The following MCMDC2 variants were observed in gnomAD, a reference collection of about 807,000 sequenced individuals.
MCMDC2 encodes the protein minichromosome maintenance domain-containing protein 2.
In MCMDC2, 54 loss-of-function variants were observed where a neutral mutation model predicts 75.8. The ratio of observed to expected loss-of-function variants is 0.71; its 90% CI spans 0.57 to 0.89. MCMDC2 has a LOEUF of 0.89. MCMDC2 is among the 40% of genes least tolerant of loss of function. The pLI is 0.00. For missense variants in MCMDC2, 656 were observed against 780.4 expected (o/e 0.84, Z 1.90); for synonymous variants, 249 against 274.6 (o/e 0.91, Z 0.92).
Position 66,920,900 on chromosome 8 carries a change from C to T in MCMDC2, c.*1731C>T, listed in dbSNP as rs945560990. 6 of 152,208 alleles carry T rather than the reference C, an allele frequency of 3.9e-5. No individual in the cohort carries two copies. The highest frequency in any genetic ancestry group is 1.2e-4 in the African/African-American group (5 of 41,526). 9.4% of individuals were successfully genotyped at this position (152,208 alleles called of 1,614,324 possible). On this transcript the variant is annotated 3_prime_UTR_variant, in exon 15 of 15. Transcript: ENST00000422365. The stretch of plus-strand genomic sequence containing the variant: ...GTTTCCCAGGCTGGTCTCAAGTCAT[C>T]CTCCCATCTCAGTACCTCAGCTTCC...
chr8:66,899,033 T>C (rs545771628), intron 12 of MCMDC2, among the ~76,000 whole-genome samples: 4 of 152,308 alleles, frequency 2.6e-5, no homozygotes, highest in African/African-American at 9.6e-5. Context: ...AACTGTAAAA[T>C]AGTAAAAAGT....
Position 66,878,928 on chromosome 8 carries a change from A to G in MCMDC2, c.709+9A>G, listed in dbSNP as rs181029958. The G allele has an allele frequency of 2.2e-3, 3,344 of 1,537,928 alleles. 26 individuals carry two copies. The highest frequency in any genetic ancestry group is 0.02 in the African/African-American group (1,430 of 73,244). ...TACAATTTTCCTAAGAGGTAAGTGA[A>G]TTCTGTTTGAACTAAAAAAAAATTG... is the stretch of plus-strand genomic sequence containing the variant. On this transcript the variant is annotated intron_variant, in intron 7 of 14. Coordinates refer to ENST00000422365, the MANE Select transcript of MCMDC2 (RefSeq NM_173518.5).
In MCMDC2 at chr8:66,921,193, GTAAT is replaced by G. The variant is rs1319379315; in HGVS notation, c.*2026_*2029del. 1 of 152,076 alleles carries G rather than the reference GTAAT, an allele frequency of 6.6e-6. No individual in the cohort carries two copies. Among genetic ancestry groups the G allele is most frequent in the Non-Finnish European group, 1.5e-5 (1 of 68,022 alleles). 9.4% of individuals were successfully genotyped at this position (152,076 alleles called of 1,614,324 possible). A position where few individuals can be genotyped will look rare whatever the true frequency, so the allele number is the denominator to read the frequency against. ...GTACATTCAGAAACAATTATGGGAG[GTAAT>G]TCATTAATATTAAATATGCCAACGG... On this transcript the variant is annotated 3_prime_UTR_variant, in exon 15 of 15. Coordinates refer to ENST00000422365, the MANE Select transcript of MCMDC2 (RefSeq NM_173518.5).
intron 9 of MCMDC2, among the ~76,000 whole-genome samples, chr8:66,887,159 A>C (rs1462585063): frequency 6.6e-6 from 1 of 152,154 alleles, no homozygotes; most frequent in African/African-American, 2.4e-5. Context: ...GTCTAAAGGT[A>C]TCTTTGATGA....
chr8:66,900,611 C>A (rs1812614297), intron 12 of MCMDC2, among the ~76,000 whole-genome samples: 1 of 151,892 alleles, frequency 6.6e-6, no homozygotes, highest in South Asian at 2.1e-4. Context: ...GAAATTACGT[C>A]ACAGAGAAGA....
At chr8:66,904,237 A>G (rs1233065183) in intron 13 of MCMDC2, among the ~76,000 whole-genome samples, 1 of 152,168 alleles carries the variant, frequency 6.6e-6, no homozygotes, top group African/African-American at 2.4e-5. Context: ...TGAGGAGAGT[A>G]GCCATCATGG....
intron 4 of MCMDC2, among the ~76,000 whole-genome samples, chr8:66,876,167 T>C (rs563933863): frequency 2.0e-5 from 3 of 152,348 alleles, no homozygotes; most frequent in East Asian, 3.9e-4. Flanking sequence ...TGCCTAGAAT[T>C]CGTTATTTCA....
intron 14 of MCMDC2, among the ~76,000 whole-genome samples, chr8:66,908,151 G>A (rs929291934): frequency 3.3e-5 from 5 of 152,130 alleles, no homozygotes; most frequent in Admixed American, 3.3e-4. Flanking sequence ...GCCCATGCCT[G>A]TGTCCTAAAT....
intron 8 of MCMDC2, among the ~76,000 whole-genome samples, chr8:66,882,741 A>G (rs901520779): frequency 6.6e-6 from 1 of 152,236 alleles, no homozygotes; most frequent in African/African-American, 2.4e-5. Flanking sequence ...TTTAAATGCA[A>G]GTAGATTCTA....
chr8:66,870,875 G>C (rs1810980655), intron 1 of MCMDC2, 44 bp downstream of exon 1: 1 of 152,370 alleles, frequency 6.6e-6, no homozygotes, highest in Non-Finnish European at 1.5e-5. Context: ...CTAACTCGAG[G>C]TCACCGCTGT....
chr8:66,875,929 A>C (rs1021625675), intron 4 of MCMDC2, among the ~76,000 whole-genome samples: 1 of 152,264 alleles, frequency 6.6e-6, no homozygotes, highest in African/African-American at 2.4e-5. Flanking sequence ...CTAAAATAGA[A>C]GATGACTGTA....
In MCMDC2 at chr8:66,884,298, G is replaced by A. The variant is rs116759099; in HGVS notation, c.1073+304G>A. 2.0e-3 allele frequency: 773 copies of A among 383,992 alleles called. 5 individuals are homozygous for A. The highest frequency in any genetic ancestry group is 0.014 in the African/African-American group (690 of 48,146). 23.8% of individuals were successfully genotyped at this position (383,992 alleles called of 1,614,324 possible). ...CTCTTTCTGTACTTTGTTTTGAATA[G>A]TCTTCCCCCTAAGGAACAAACTAAC... On this transcript the variant is annotated intron_variant, in intron 9 of 14. Coordinates refer to ENST00000422365, the MANE Select transcript of MCMDC2 (RefSeq NM_173518.5).
chr8:66,892,469 G>C (rs1812154187), intron 10 of MCMDC2, among the ~76,000 whole-genome samples: 1 of 152,360 alleles, frequency 6.6e-6, no homozygotes, highest in East Asian at 1.9e-4. Flanking sequence ...GCAAGGTGGA[G>C]AAGAGTTTTA....
rs1360570058 is a variant in MCMDC2 at position 66,921,540 on chromosome 8, T to A, written c.*2371T>A. 1 of 152,252 alleles carries A rather than the reference T, an allele frequency of 6.6e-6. No homozygotes were observed. Among genetic ancestry groups the A allele is most frequent in the Admixed American group, 6.5e-5 (1 of 15,282 alleles). The allele number at this position is 152,252 out of a possible 1,614,324, so 9.4% of individuals were successfully genotyped here. ...CCAGATATAAATTCAGCTTTAGAATTCTTGCCAATTTAGTCCTAGACAGAC... is the reference window on the plus strand; with the variant it reads ...CCAGATATAAATTCAGCTTTAGAATACTTGCCAATTTAGTCCTAGACAGAC... On this transcript the variant is annotated 3_prime_UTR_variant, in exon 15 of 15. Coordinates refer to ENST00000422365, the MANE Select transcript of MCMDC2 (RefSeq NM_173518.5).
At chr8:66,891,168 G>A (rs1812091228) in intron 10 of MCMDC2, 98 bp downstream of exon 10, 7 of 1,079,048 alleles carry the variant, frequency 6.5e-6, no homozygotes, top group Admixed American at 3.3e-5. Flanking sequence ...AGTTGTTTGA[G>A]GGTTTAAGAA....
At chr8:66,904,047 C>A (rs1256415005) in intron 13 of MCMDC2, among the ~76,000 whole-genome samples, 1 of 152,012 alleles carries the variant, frequency 6.6e-6, no homozygotes, top group Middle Eastern at 3.2e-3. Flanking sequence ...ATATTTCATT[C>A]TTTTTATGTT....
chr8:66,882,557 G>T, intron 8 of MCMDC2, among the ~76,000 whole-genome samples: 1 of 151,976 alleles, frequency 6.6e-6, no homozygotes, highest in East Asian at 1.9e-4. Context: ...ATAGAGATGG[G>T]GTTTCACCAT....
Position 66,896,977 on chromosome 8 carries a change from G to A in MCMDC2, c.1626+18G>A, listed in dbSNP as rs762419759. On this transcript the variant is annotated intron_variant, in intron 12 of 14. Coordinates refer to ENST00000422365, the MANE Select transcript of MCMDC2 (RefSeq NM_173518.5). The stretch of plus-strand genomic sequence containing the variant: ...TTGAAAAGGTAAAGGTGGATAAAAC[G>A]GTTACCCAGAATGCCTGTGCTAATG... 3.1e-5 allele frequency: 49 copies of A among 1,575,888 alleles called. No individual in the cohort carries two copies. Among genetic ancestry groups the A allele is most frequent in the Admixed American group, 5.8e-5 (3 of 51,792 alleles).
At chr8:66,887,355 A>G (rs1235792054) in intron 9 of MCMDC2, among the ~76,000 whole-genome samples, 2 of 150,406 alleles carry the variant, frequency 1.3e-5, no homozygotes, top group Admixed American at 1.3e-4. Context: ...GCTGGCCAAC[A>G]TGGTGAAACC....
Sources: gnomAD v4.1 joint callset for allele counts (sites outside exome capture counted in the v4.1 genomes callset) on GRCh38, gnomAD v4.1.1 for gene constraint, MANE v1.5 for transcripts, NCBI Gene and HGNC (gene_info 2026-07-23, HGNC 2026-07-21) for gene names.